The following LDB2 variants were observed in gnomAD, a reference collection of about 807,000 sequenced individuals.
LDB2 encodes LIM domain-binding protein 2.
A neutral mutation model predicts 44.3 loss-of-function variants in LDB2; 12 were observed. That is an observed-to-expected ratio of 0.27 (90% CI 0.17 to 0.44). The LOEUF is 0.44. LDB2 is among the 20% of genes least tolerant of loss of function. LDB2 has a pLI of 1.00. For missense variants in LDB2, 344 were observed against 473.5 expected, an observed-to-expected ratio of 0.73 and a Z score of 2.54; for synonymous variants, 164 against 174.8, an observed-to-expected ratio of 0.94 and a Z score of 0.49.
rs1423469044 is a variant in LDB2 at position 16,897,941 on chromosome 4, C to T, written c.132+413G>A. On this transcript the variant is annotated intron_variant, in intron 1 of 7. Transcript: ENST00000304523. ...ATATATATATATATATATATATACACATATGTATATATATATATATATATA... is the reference window on the plus strand; with the variant it reads ...ATATATATATATATATATATATACATATATGTATATATATATATATATATA... Among the ~76,000 whole-genome samples the T allele has an allele frequency of 6.8e-3, 71 of 10,372 alleles. 2 individuals are homozygous for T. The highest frequency in any genetic ancestry group is 0.011 in the East Asian group (3 of 280). The allele number at this position is 10,372 out of a possible 152,430, so 6.8% of individuals were successfully genotyped here.
intron 1 of LDB2, among the ~76,000 whole-genome samples, chr4:16,868,889 ATGATGT>A (rs1715586765): frequency 6.6e-6 from 1 of 152,082 alleles, no homozygotes. Flanking sequence ...GGTGATGATG[ATGATGT>A]TGATGAAGAT....
chr4:16,748,104 T>G (rs1764739099), intron 2 of LDB2, among the ~76,000 whole-genome samples: 1 of 152,184 alleles, frequency 6.6e-6, no homozygotes, highest in African/African-American at 2.4e-5. Context: ...GTGCTGTGCT[T>G]CATTAAATGG....
intron 1 of LDB2, among the ~76,000 whole-genome samples, chr4:16,782,404 G>A (rs1405470215): frequency 6.6e-6 from 1 of 150,446 alleles, no homozygotes; most frequent in Non-Finnish European, 1.5e-5. Context: ...AGGCTGGAGT[G>A]CAGTGGCACG....
chr4:16,625,027 T>C lies in LDB2; in HGVS notation c.236-29152A>G, dbSNP rs187056693. 3.0e-3 allele frequency among the ~76,000 whole-genome samples: 455 copies of C among 152,262 alleles called. 1 individual carries two copies. Among genetic ancestry groups the C allele is most frequent in the South Asian group, 6.2e-3 (30 of 4,816 alleles). On this transcript the variant is annotated intron_variant, in intron 2 of 7. Coordinates refer to ENST00000304523, the MANE Select transcript of LDB2 (RefSeq NM_001290.5). ...CAATGGCTCCCCATTGTGCTCAAGATGAGGTCGGGACTCCTTAATGTGACT... is the reference window on the plus strand; with the variant it reads ...CAATGGCTCCCCATTGTGCTCAAGACGAGGTCGGGACTCCTTAATGTGACT...
intron 1 of LDB2, among the ~76,000 whole-genome samples, chr4:16,877,538 G>T (rs1027278146): frequency 6.6e-6 from 1 of 152,168 alleles, no homozygotes; most frequent in African/African-American, 2.4e-5. Flanking sequence ...ACTTTTGAAG[G>T]TATTCTCACA....
Position 16,727,895 on chromosome 4 carries a change from A to G in LDB2, c.235+31263T>C, listed in dbSNP as rs74765098. On this transcript the variant is annotated intron_variant, in intron 2 of 7. Transcript: ENST00000304523. ...GGAGCATGGGTCATTATCTAGCCCA[A>G]GTTTTACAGATAAATAAACTGAAGG... Among the ~76,000 whole-genome samples, 662 of 152,292 alleles carry G rather than the reference A, an allele frequency of 4.3e-3. 4 individuals carry two copies. The highest frequency in any genetic ancestry group is 0.015 in the African/African-American group (618 of 41,566).
intron 2 of LDB2, among the ~76,000 whole-genome samples, chr4:16,662,753 G>A (rs533319684): frequency 5.3e-5 from 8 of 152,036 alleles, no homozygotes; most frequent in East Asian, 1.9e-4. Context: ...CATGTAAGAC[G>A]CGTCTTTGTT....
intron 1 of LDB2, among the ~76,000 whole-genome samples, chr4:16,798,687 T>C (rs1320945453): frequency 1.3e-5 from 2 of 152,194 alleles, no homozygotes; most frequent in Non-Finnish European, 2.9e-5. Context: ...AAGAACAGAA[T>C]CTGCCCCTGA....
chr4:16,516,859 A>G (rs1723937424), intron 5 of LDB2, among the ~76,000 whole-genome samples: 2 of 152,138 alleles, frequency 1.3e-5, no homozygotes, highest in Non-Finnish European at 2.9e-5. Flanking sequence ...AGAATCCCCA[A>G]AGTCATTTTT....
chr4:16,602,572 T>C (rs1162575940), intron 2 of LDB2, among the ~76,000 whole-genome samples: 2 of 152,170 alleles, frequency 1.3e-5, no homozygotes, highest in Non-Finnish European at 2.9e-5. Context: ...TGTCAAGACA[T>C]TGAAAGATTT....
At chr4:16,873,708 G>A (rs1717456273) in intron 1 of LDB2, among the ~76,000 whole-genome samples, 1 of 151,994 alleles carries the variant, frequency 6.6e-6, no homozygotes, top group South Asian at 2.1e-4. Flanking sequence ...AAACAGCATT[G>A]GTGGCAAAGT....
intron 2 of LDB2, among the ~76,000 whole-genome samples, chr4:16,659,171 C>A (rs1323957742): frequency 1.3e-5 from 2 of 152,114 alleles, no homozygotes; most frequent in African/African-American, 4.8e-5. Flanking sequence ...TGTATAAAGA[C>A]CAAGACTGTC....
rs1717544975 is a variant in LDB2 at position 16,501,576 on chromosome 4, A to C, written c.*1067T>G. The C allele has an allele frequency of 6.5e-6, 1 of 152,674 alleles. No homozygotes were observed. The highest frequency in any genetic ancestry group is 2.4e-5 in the African/African-American group (1 of 41,468). 9.5% of individuals were successfully genotyped at this position (152,674 alleles called of 1,614,324 possible). A position where few individuals can be genotyped will look rare whatever the true frequency, so the allele number is the denominator to read the frequency against. ...AACACAGTTTATTATTGGCACACTT[A>C]TCAGTAAAGCATACATAAAATACAG... On this transcript the variant is annotated 3_prime_UTR_variant, in exon 8 of 8. Transcript: ENST00000304523.
At chr4:16,854,570 A>T (rs1788948005) in intron 1 of LDB2, among the ~76,000 whole-genome samples, 1 of 151,198 alleles carries the variant, frequency 6.6e-6, no homozygotes, top group Admixed American at 6.6e-5. Context: ...GTTTATTGTT[A>T]AAAAAAGCAA....
Position 16,891,153 on chromosome 4 carries a change from A to T in LDB2, c.132+7201T>A, listed in dbSNP as rs1483010. 4.6e-3 allele frequency among the ~76,000 whole-genome samples: 697 copies of T among 151,860 alleles called. 4 individuals carry two copies. Among genetic ancestry groups the T allele is most frequent in the African/African-American group, 0.016 (648 of 41,410 alleles). ...CACTACTGTTTAAAACAATAAAAAC[A>T]CTATCTTTCCCAGGGCACAACTAAG... On this transcript the variant is annotated intron_variant, in intron 1 of 7. Coordinates refer to ENST00000304523, the MANE Select transcript of LDB2 (RefSeq NM_001290.5).
chr4:16,878,384 C>T (rs945966346), intron 1 of LDB2, among the ~76,000 whole-genome samples: 3 of 152,176 alleles, frequency 2.0e-5, no homozygotes, highest in Admixed American at 2.0e-4. Flanking sequence ...TGGCTGGAGA[C>T]CACTTATACT....
intron 2 of LDB2, among the ~76,000 whole-genome samples, chr4:16,611,869 A>T (rs1006174351): frequency 6.6e-6 from 1 of 152,190 alleles, no homozygotes; most frequent in Non-Finnish European, 1.5e-5. Context: ...CAGACCTAGT[A>T]GGCGTCTACA....
chr4:16,643,942 T>C (rs1336784308), intron 2 of LDB2, among the ~76,000 whole-genome samples: 1 of 152,242 alleles, frequency 6.6e-6, no homozygotes, highest in Non-Finnish European at 1.5e-5. Flanking sequence ...ACCATGCTTT[T>C]TCATTGTTTC....
intron 2 of LDB2, among the ~76,000 whole-genome samples, chr4:16,758,014 T>C (rs1454767052): frequency 1.3e-5 from 2 of 152,164 alleles, no homozygotes; most frequent in African/African-American, 2.4e-5. Context: ...GCAACCAGTT[T>C]CAGTTGGGCA....
Sources: allele counts gnomAD v4.1 joint callset (sites outside exome capture counted in the v4.1 genomes callset), GRCh38; gene constraint gnomAD v4.1.1; transcripts MANE v1.5; gene names NCBI Gene and HGNC (gene_info 2026-07-23, HGNC 2026-07-21).